ZZEF1: variants seen among roughly 807,000 people sequenced by gnomAD.
ZZEF1 encodes the protein zinc finger ZZ-type and EF-hand domain-containing protein 1.
ZZEF1 carries 157 observed loss-of-function variants against 342.8 expected under a neutral mutation model. The ratio of observed to expected loss-of-function variants is 0.46; its 90% CI spans 0.40 to 0.52. ZZEF1 has a LOEUF of 0.52. ZZEF1 is among the 20% of genes least tolerant of loss of function. The pLI is 0.00. For missense variants in ZZEF1, 3,480 were observed against 3,725.6 expected (o/e 0.93, Z 1.72); for synonymous variants, 1,505 against 1,429.1 (o/e 1.05, Z -1.20).
intron 32 of ZZEF1, 61 bp from the exon 33 acceptor site, chr17:4,056,406 G>T: frequency 6.7e-7 from 1 of 1,499,880 alleles, no homozygotes. Context: ...GAAAGTACTG[G>T]TTAGCAGACC....
chr17:4,123,181 A>G (rs1221355569), intron 2 of ZZEF1, among the ~76,000 whole-genome samples: 2 of 147,560 alleles, frequency 1.4e-5, no homozygotes, highest in Non-Finnish European at 3.0e-5. Context: ...CGGCCTCCCA[A>G]AGTGCTGGGA....
At chr17:4,084,570 T>C (rs1207155446) in intron 16 of ZZEF1, among the ~76,000 whole-genome samples, 1 of 152,260 alleles carries the variant, frequency 6.6e-6, no homozygotes, top group Non-Finnish European at 1.5e-5. Flanking sequence ...GAAGTTCCTC[T>C]ACCTAGGTGT....
intron 45 of ZZEF1, among the ~76,000 whole-genome samples, chr17:4,020,718 C>T (rs2056246445): frequency 6.6e-6 from 1 of 152,200 alleles, no homozygotes; most frequent in African/African-American, 2.4e-5. Context: ...AAGCCCTCAT[C>T]CTTTTCATAT....
intron 9 of ZZEF1, among the ~76,000 whole-genome samples, chr17:4,100,493 AG>A (rs2058109034): frequency 6.6e-6 from 1 of 152,240 alleles, no homozygotes; most frequent in Non-Finnish European, 1.5e-5. Flanking sequence ...GGTAGGTAAA[AG>A]ACACAGGGAA....
At chr17:4,108,213 C>T (rs1360373441) in intron 6 of ZZEF1, among the ~76,000 whole-genome samples, 1 of 152,182 alleles carries the variant, frequency 6.6e-6, no homozygotes, top group East Asian at 1.9e-4. Flanking sequence ...GTTAACAAGA[C>T]TGCATTAGAA....
chr17:4,081,338 C>T, intron 18 of ZZEF1, 38 bp downstream of exon 18: 1 of 1,566,258 alleles, frequency 6.4e-7, no homozygotes, highest in Non-Finnish European at 8.8e-7. Context: ...CCCCCACAAG[C>T]ATGAGACAAA....
Position 4,077,977 on chromosome 17 carries a change from C to T in ZZEF1, c.2895G>A (p.Trp965Ter). 6.2e-7 allele frequency: 1 copy of T among 1,614,122 alleles called. No homozygotes were observed. The highest frequency in any genetic ancestry group is 1.6e-4 in the Middle Eastern group (1 of 6,062). ...AGGATAGCAGGCTGCCTTGGACGGA[C>T]CAGAACAGGGAGAAGAGCACAGAGC... ...EVGSVLFSLFWSVQGSLLSWC... is the reference protein window; with the variant it reads ...EVGSVLFSLF The change falls in exon 19 of 55, where the codon TGG becomes TGA. Residue 965 changes from tryptophan to a stop codon, truncating the protein, a stop_gained. Transcript: ENST00000381638. LOFTEE classifies it high-confidence loss of function.
intron 13 of ZZEF1, among the ~76,000 whole-genome samples, chr17:4,087,750 T>C (rs904609983): frequency 6.6e-6 from 1 of 151,758 alleles, no homozygotes; most frequent in African/African-American, 2.4e-5. Context: ...TATATGTATG[T>C]ATGTATGTAA....
intron 17 of ZZEF1, among the ~76,000 whole-genome samples, chr17:4,081,948 C>T (rs2145334246): frequency 6.6e-6 from 1 of 152,292 alleles, no homozygotes; most frequent in East Asian, 1.9e-4. Context: ...GACTTGCAGG[C>T]AGTCGCTAAG....
chr17:4,029,578 A>G (rs1484276283), intron 42 of ZZEF1, among the ~76,000 whole-genome samples: 1 of 152,172 alleles, frequency 6.6e-6, no homozygotes, highest in African/African-American at 2.4e-5. Context: ...CCAAGGAAGA[A>G]AGGTCTCAAA....
chr17:4,116,285 C>G lies in ZZEF1; in HGVS notation c.694+687G>C, dbSNP rs577700917. ...AGAGATCACGCCATTGCACTTCAGC[C>G]TGGGCAACAAGAACGAAACTCAGTC... On this transcript the variant is annotated intron_variant, in intron 3 of 54. Coordinates refer to ENST00000381638, the MANE Select transcript of ZZEF1 (RefSeq NM_015113.4). Among the ~76,000 whole-genome samples the G allele has an allele frequency of 1.4e-3, 213 of 152,348 alleles. 1 individual carries two copies. Among genetic ancestry groups the G allele is most frequent in the African/African-American group, 4.8e-3 (200 of 41,580 alleles).
At position 4,081,395 on chromosome 17, in the gene ZZEF1, A is replaced by G. The variant is rs766835715; in HGVS notation, c.2810T>C (p.Val937Ala). The change falls in exon 18 of 55, where the codon GTC (valine) becomes GCC (alanine). Residue 937 changes from valine (V) to alanine (A), a missense_variant. By Grantham distance (64) the Val-to-Ala change is moderately conservative. Around this residue, in one of 5 missense-constraint regions of ZZEF1, gnomAD observed 1,528 missense variants for 1,624.1 expected, o/e 0.94. Coordinates refer to ENST00000381638, the MANE Select transcript of ZZEF1 (RefSeq NM_015113.4). ...GGATACCTCTCGAGCAGCAACAGAGACGAGAGTGTCCATGACCGCCAGGAC... is the reference window on the plus strand; with the variant it reads ...GGATACCTCTCGAGCAGCAACAGAGGCGAGAGTGTCCATGACCGCCAGGAC... ...SEVLAVMDTL[V>A]SVAARECELL... 1.2e-6 allele frequency: 2 copies of G among 1,613,608 alleles called. No homozygotes were observed. The highest frequency in any genetic ancestry group is 3.3e-5 in the Admixed American group (2 of 60,024).
intron 6 of ZZEF1, 33 bp from the exon 7 acceptor site, chr17:4,105,842 C>T (rs376615558): frequency 6.5e-6 from 10 of 1,540,360 alleles, no homozygotes; most frequent in South Asian, 2.4e-5. Context: ...GTAATCAGAA[C>T]AAAACCAGAC....
In ZZEF1 at chr17:4,054,166, G is replaced by A. The variant is rs769522169; in HGVS notation, c.5325C>T (p.Asp1775=). ...KMHMFIARYC[D]LLNVDISCDG... is the part of the protein sequence containing the mutation. ...CACAAGAGATGTCCACATTTAACAG[G>A]TCACAGTAGCGAGCAATGAACATGT... The change falls in exon 34 of 55, where the codon GAC becomes GAT. Residue 1775 remains aspartate, a synonymous_variant. Coordinates refer to ENST00000381638, the MANE Select transcript of ZZEF1 (RefSeq NM_015113.4). The A allele has an allele frequency of 1.9e-6, 3 of 1,613,828 alleles. No homozygotes were observed. Among genetic ancestry groups the A allele is most frequent in the Non-Finnish European group, 2.5e-6 (3 of 1,179,882 alleles).
chr17:4,085,574 C>A, intron 16 of ZZEF1, 96 bp downstream of exon 16: 1 of 1,466,446 alleles, frequency 6.8e-7, no homozygotes, highest in Non-Finnish European at 9.4e-7. Context: ...ACATCTGGGA[C>A]GTTGCAACAG....
chr17:4,096,468 A>C, intron 10 of ZZEF1, 141 bp downstream of exon 10: 1 of 703,228 alleles, frequency 1.4e-6, no homozygotes, highest in Non-Finnish European at 2.5e-6. Flanking sequence ...GCTCATCCTC[A>C]TCCTCTGTAT....
At chr17:4,049,652 A>AT in intron 37 of ZZEF1, 56 bp downstream of exon 37, 1 of 1,605,728 alleles carries the variant, frequency 6.2e-7, no homozygotes, top group Non-Finnish European at 8.5e-7. Context: ...CACTGAGTGA[A>AT]TGGCTCTCTC....
At position 4,142,718 on chromosome 17, in the gene ZZEF1, C is replaced by T; in HGVS notation, c.178G>A (p.Ala60Thr). The T allele has an allele frequency of 3.8e-6, 6 of 1,560,686 alleles. No homozygotes were observed. The highest frequency in any genetic ancestry group is 4.3e-6 in the Non-Finnish European group (5 of 1,158,700). Reference sequence around the variant, plus strand: ...GGGGGTGTGGGCAGCAACGCTGCAGCAGCCTCTCGCAGCCTGGCCGGCTCC... The same window carrying T: ...GGGGGTGTGGGCAGCAACGCTGCAGTAGCCTCTCGCAGCCTGGCCGGCTCC... ...LLEPARLREA[A>T]AALLPTPPCE... The change falls in exon 1 of 55, where the codon GCT (alanine) becomes ACT (threonine). Residue 60 changes from alanine (A) to threonine (T), a missense_variant. Around this residue, in one of 5 missense-constraint regions of ZZEF1, gnomAD observed 416 missense variants for 374.2 expected, o/e 1.11. Coordinates refer to ENST00000381638, the MANE Select transcript of ZZEF1 (RefSeq NM_015113.4).
intron 24 of ZZEF1, 144 bp downstream of exon 24, chr17:4,074,006 C>CTT: frequency 1.0e-6 from 1 of 953,664 alleles, no homozygotes; most frequent in Admixed American, 2.5e-5. Flanking sequence ...TGAGTGGACA[C>CTT]TTTATTCTTT....
Sources: gnomAD v4.1 joint callset for allele counts (sites outside exome capture counted in the v4.1 genomes callset) on GRCh38, gnomAD v4.1.1 for gene constraint, gnomAD v4.1.1 regional missense constraint, MANE v1.5 for transcripts, NCBI Gene and HGNC (gene_info 2026-07-23, HGNC 2026-07-21) for gene names.